The following GULP1 variants were observed in gnomAD, a reference collection of about 807,000 sequenced individuals.
GULP1 encodes the protein PTB domain-containing engulfment adapter protein 1.
In GULP1, 19 loss-of-function variants were observed where a neutral mutation model predicts 40.9. The observed-to-expected ratio is 0.46, with a 90% CI of 0.32 to 0.68. GULP1 has a LOEUF of 0.68. Ranked by LOEUF, GULP1 falls within the 30% of genes least tolerant of loss-of-function variation. GULP1 has a pLI of 0.03. For synonymous variants in GULP1, 119 were observed against 117.6 expected, an observed-to-expected ratio of 1.01 and a Z score of -0.08; for missense variants, 312 against 362.2, an observed-to-expected ratio of 0.86 and a Z score of 1.12.
chr2:188,519,225 A>G (rs112141351), intron 4 of GULP1, among the ~76,000 whole-genome samples: 3 of 152,308 alleles, frequency 2.0e-5, no homozygotes, highest in African/African-American at 7.2e-5. Context: ...GTTGCATTAC[A>G]CAAAGGATTT....
chr2:188,362,177 A>C (rs535808938), intron 1 of GULP1, among the ~76,000 whole-genome samples: 10 of 152,224 alleles, frequency 6.6e-5, no homozygotes, highest in African/African-American at 2.2e-4. Context: ...TTCTGAGCAC[A>C]TTACAAACAA....
At chr2:188,582,554 C>T in intron 9 of GULP1, 1 of 470,352 alleles carries the variant, frequency 2.1e-6, no homozygotes, top group Non-Finnish European at 4.4e-6. Context: ...GAGCAGCATC[C>T]CAAGACCTCA....
At chr2:188,485,037 ATAC>A (rs2061746701) in intron 4 of GULP1, among the ~76,000 whole-genome samples, 1 of 152,106 alleles carries the variant, frequency 6.6e-6, no homozygotes, top group South Asian at 2.1e-4. Flanking sequence ...TATGAAATCT[ATAC>A]TGAAAAAATT....
At chr2:188,454,923 A>G (rs534207000) in intron 2 of GULP1, among the ~76,000 whole-genome samples, 12 of 152,106 alleles carry the variant, frequency 7.9e-5, no homozygotes, top group Non-Finnish European at 1.3e-4. Flanking sequence ...CTGAGTTCCA[A>G]TCCGGCCTGG....
chr2:188,374,762 A>G (rs2048080709), intron 1 of GULP1, among the ~76,000 whole-genome samples: 2 of 152,058 alleles, frequency 1.3e-5, no homozygotes, highest in Non-Finnish European at 2.9e-5. Context: ...AAAGAGGAAA[A>G]AAAAAAAAAG....
chr2:188,347,979 A>G (rs1052523260), intron 1 of GULP1, among the ~76,000 whole-genome samples: 1 of 152,186 alleles, frequency 6.6e-6, no homozygotes, highest in Non-Finnish European at 1.5e-5. Context: ...GAAATGAATT[A>G]TGGAACTTAT....
intron 1 of GULP1, among the ~76,000 whole-genome samples, chr2:188,348,570 G>A (rs1247285332): frequency 2.0e-5 from 3 of 152,132 alleles, no homozygotes; most frequent in African/African-American, 7.2e-5. Context: ...GCATAGTCTT[G>A]AATTTGTTTT....
intron 2 of GULP1, among the ~76,000 whole-genome samples, chr2:188,392,483 G>A: frequency 6.6e-6 from 1 of 151,662 alleles, no homozygotes; most frequent in Non-Finnish European, 1.5e-5. Flanking sequence ...TATTTGAAAT[G>A]TTTCTCTTCT....
At chr2:188,524,326 T>C (rs2153228787) in intron 5 of GULP1, among the ~76,000 whole-genome samples, 1 of 152,256 alleles carries the variant, frequency 6.6e-6, no homozygotes, top group South Asian at 2.1e-4. Context: ...TTTGTATGTA[T>C]TTCTATGGAG....
intron 4 of GULP1, among the ~76,000 whole-genome samples, chr2:188,496,049 A>AT (rs1243595837): frequency 6.6e-6 from 1 of 151,986 alleles, no homozygotes; most frequent in Non-Finnish European, 1.5e-5. Context: ...TCCCAAGCAG[A>AT]TTTTATCTGT....
intron 4 of GULP1, among the ~76,000 whole-genome samples, chr2:188,506,592 G>C (rs1471686681): frequency 4.6e-5 from 7 of 151,872 alleles, no homozygotes; most frequent in Admixed American, 3.3e-4. Context: ...TATCACTACT[G>C]TTATTTTAAA....
intron 7 of GULP1, chr2:188,541,519 C>G: frequency 1.6e-6 from 1 of 637,206 alleles, no homozygotes; most frequent in Non-Finnish European, 2.8e-6. Context: ...ACTAAATTCT[C>G]ATGGTCATGA....
chr2:188,527,088 C>G (rs756115538), intron 5 of GULP1, among the ~76,000 whole-genome samples: 13 of 152,174 alleles, frequency 8.5e-5, no homozygotes, highest in Non-Finnish European at 1.8e-4. Context: ...CTTCTTACCT[C>G]TCCACTTTGT....
chr2:188,362,387 G>A (rs773171222), intron 1 of GULP1, among the ~76,000 whole-genome samples: 1 of 152,044 alleles, frequency 6.6e-6, no homozygotes, highest in Non-Finnish European at 1.5e-5. Context: ...GTGTTTTTCA[G>A]AACTCATTTT....
In GULP1 at chr2:188,328,318, A is replaced by T. The variant is rs372374555; in HGVS notation, c.-172+36152A>T. ...GTTTATTCCCATCTTCCCTTTCAGG[A>T]AAATGAAGACAGTCAGGGATCATCA... On this transcript the variant is annotated intron_variant, in intron 1 of 11. Coordinates refer to ENST00000409830, the MANE Select transcript of GULP1 (RefSeq NM_016315.4). Among the ~76,000 whole-genome samples the T allele has an allele frequency of 1.5e-4, 23 of 152,220 alleles. 1 individual carries two copies. The highest frequency in any genetic ancestry group is 5.5e-4 in the African/African-American group (23 of 41,550).
At chr2:188,404,277 A>G (rs1407331178) in intron 2 of GULP1, among the ~76,000 whole-genome samples, 1 of 152,182 alleles carries the variant, frequency 6.6e-6, no homozygotes, top group Non-Finnish European at 1.5e-5. Flanking sequence ...TAACAATTTG[A>G]ACAACTATCC....
chr2:188,384,891 C>T (rs562979080), intron 2 of GULP1, among the ~76,000 whole-genome samples: 1 of 152,174 alleles, frequency 6.6e-6, no homozygotes, highest in African/African-American at 2.4e-5. Context: ...AGGTGAGTTC[C>T]CATGGTCTTG....
At chr2:188,329,235 C>T (rs575172822) in intron 1 of GULP1, among the ~76,000 whole-genome samples, 2 of 151,806 alleles carry the variant, frequency 1.3e-5, no homozygotes, top group African/African-American at 2.4e-5. Context: ...GCCAATGGTT[C>T]TATATTTTAC....
intron 11 of GULP1, chr2:188,588,182 G>T: frequency 6.1e-6 from 3 of 491,522 alleles, no homozygotes; most frequent in South Asian, 2.5e-5. Context: ...TCAATAAGAT[G>T]GTTCATTTTT....
Sources: allele counts gnomAD v4.1 joint callset (sites outside exome capture counted in the v4.1 genomes callset), GRCh38; gene constraint gnomAD v4.1.1; transcripts MANE v1.5; gene names NCBI Gene and HGNC (gene_info 2026-07-23, HGNC 2026-07-21).